The following COG1 variants were observed in gnomAD, a reference collection of about 807,000 sequenced individuals.
COG1 encodes conserved oligomeric Golgi complex subunit 1.
A neutral mutation model predicts 102.2 loss-of-function variants in COG1; 61 were observed. The observed-to-expected ratio is 0.60, with a 90% confidence interval of 0.49 to 0.74. The LOEUF (loss-of-function observed/expected upper bound fraction) is 0.74, where lower values mean the gene tolerates loss of function less well. Among genes scored for constraint, COG1 ranks in the 30% least tolerant of loss-of-function variants. COG1 has a pLI of 0.00. For missense variants in COG1, 1,164 were observed against 1,232.1 expected (o/e 0.94, Z 0.83); for synonymous variants, 454 against 493.6 (o/e 0.92, Z 1.06).
rs6501608 is a variant in COG1, at chr17:73,202,192, A to G, written c.2073+292A>G. On this transcript the variant is annotated intron_variant, in intron 7 of 13. Transcript: ENST00000299886. ...CTCTACTAAAAAAATACAAAAAATTAGCCGGGCATGGTGGTGGGCGCCTGT... is the reference window on the plus strand; with the variant it reads ...CTCTACTAAAAAAATACAAAAAATTGGCCGGGCATGGTGGTGGGCGCCTGT... Among the ~76,000 whole-genome samples the G allele has an allele frequency of 0.49, 73,973 of 151,690 alleles. 18,325 individuals carry two copies. The highest frequency in any genetic ancestry group is 0.6 in the East Asian group (3,053 of 5,090).
At position 73,196,587 on chromosome 17, in the gene COG1, G is replaced by C. The variant is rs938145768; in HGVS notation, c.396G>C (p.Trp132Cys). 8.1e-6 allele frequency: 13 copies of C among 1,614,058 alleles called. No homozygotes were observed. The highest frequency in any genetic ancestry group is 1.3e-5 in the African/African-American group (1 of 74,914). ...TCTTAGAAATTCCGGAGAAGATCTG[G>C]AGCTCGATGGAAGCCTCTCAGTGTC... ...KLLLEIPEKI[W>C]SSMEASQCLH... Residue 132 changes from tryptophan (W) to cysteine (C), a missense_variant, in exon 2 of 14, where the codon TGG (tryptophan) becomes TGC (cysteine). By Grantham distance (215) the Trp-to-Cys change is radical (BLOSUM62 -2). Transcript: ENST00000299886.
In COG1 at chr17:73,200,022, G is replaced by C; in HGVS notation, c.1070+1G>C. 6.2e-7 allele frequency: 1 copy of C among 1,610,534 alleles called. No homozygotes were observed. ...ACACGCTGCAGAAATGGATCCACAT[G>C]TAAGTAACCAGAAAGAGCTTCCCTG... On this transcript the variant is annotated splice_donor_variant, in intron 5 of 13. Transcript: ENST00000299886. LOFTEE classifies it high-confidence loss of function.
chr17:73,207,003 G>A lies in COG1; in HGVS notation c.2730-178G>A, dbSNP rs142316182. 1.3e-3 allele frequency: 924 copies of A among 697,050 alleles called. 7 individuals carry two copies. The African/African-American group carries it at 0.014, about 11-fold the overall frequency. The allele number at this position is 697,050 out of a possible 1,614,324, so 43.2% of individuals were successfully genotyped here. On this transcript the variant is annotated intron_variant, in intron 12 of 13. Coordinates refer to ENST00000299886, the MANE Select transcript of COG1 (RefSeq NM_018714.3). Reference sequence around the variant, plus strand: ...AGCTATTCAGGAGGCTGAGGCAGGAGAATGGCGTGAACCCAGGAGGCGGAG... The same window carrying A: ...AGCTATTCAGGAGGCTGAGGCAGGAAAATGGCGTGAACCCAGGAGGCGGAG...
In COG1 at chr17:73,206,720, T is replaced by C. The variant is rs2061375287; in HGVS notation, c.2632T>C (p.Leu878=). The change falls in exon 12 of 14, where the codon TTG becomes CTG. Residue 878 remains leucine (L), a synonymous_variant. Coordinates refer to ENST00000299886, the MANE Select transcript of COG1 (RefSeq NM_018714.3). ...TCTTGTCTGCCAGGTTCTGTTTGGA[T>C]TGGTGACTGGTACAGAGAATCAGCT... is the stretch of plus-strand genomic sequence containing the variant. The part of the protein sequence containing the change: ...LVQRTSVLFG[L]VTGTENQLAP... 6.2e-7 allele frequency: 1 copy of C among 1,612,496 alleles called. No homozygotes were observed. Among genetic ancestry groups the C allele is most frequent in the East Asian group, 2.2e-5 (1 of 44,796 alleles).
In COG1 at chr17:73,201,725, T is replaced by G; in HGVS notation, c.1898T>G (p.Leu633Arg). 1 of 1,614,148 alleles carries G rather than the reference T, an allele frequency of 6.2e-7. No individual in the cohort carries two copies. Among genetic ancestry groups the G allele is most frequent in the Non-Finnish European group, 8.5e-7 (1 of 1,180,022 alleles). The change falls in exon 7 of 14, where the codon CTG becomes CGG. Residue 633 changes from leucine (L) to arginine (R), a missense_variant. Transcript: ENST00000299886. ...TGCCCCCATCTGAAGCAGTGCATCC[T>G]GGGAAAATCAGAGAGCTCAGAGAAA... is the stretch of plus-strand genomic sequence containing the variant. ...ELCPHLKQCI[L>R]GKSESSEKPA... is the part of the protein sequence containing the mutation.
chr17:73,193,219 G>T lies in COG1; in HGVS notation c.150G>T (p.Gln50His). 1.2e-6 allele frequency: 2 copies of T among 1,608,962 alleles called. No homozygotes were observed. The highest frequency in any genetic ancestry group is 4.5e-5 in the East Asian group (2 of 44,654). ...EIEHKKEELR[Q>H]MVGERYRDLI... Reference sequence around the variant, plus strand: ...AGCACAAGAAGGAGGAGCTGCGGCAGATGGTGGGCGAACGGTACCGCGACC... The same window carrying T: ...AGCACAAGAAGGAGGAGCTGCGGCATATGGTGGGCGAACGGTACCGCGACC... Residue 50 changes from glutamine (Q) to histidine (H), a missense_variant, in exon 1 of 14, where the codon CAG (glutamine) becomes CAT (histidine). Transcript: ENST00000299886.
In COG1 at chr17:73,201,158, T is replaced by A; in HGVS notation, c.1331T>A (p.Leu444His). The change falls in exon 7 of 14, where the codon CTC becomes CAC. Residue 444 changes from leucine (L) to histidine (H), a missense_variant. Leu to His is a moderately conservative substitution (Grantham distance 99). Coordinates refer to ENST00000299886, the MANE Select transcript of COG1 (RefSeq NM_018714.3). ...FDSISSSSKELLVSALQELES... is the reference protein window; with the variant it reads ...FDSISSSSKEHLVSALQELES... Reference sequence around the variant, plus strand: ...TCCATCTCCAGTAGCTCCAAGGAGCTCTTGGTTTCAGCTTTGCAGGAACTT... The same window carrying A: ...TCCATCTCCAGTAGCTCCAAGGAGCACTTGGTTTCAGCTTTGCAGGAACTT... 1 of 1,614,222 alleles carries A rather than the reference T, an allele frequency of 6.2e-7. No individual in the cohort carries two copies. The highest frequency in any genetic ancestry group is 2.2e-5 in the East Asian group (1 of 44,888).
At chr17:73,202,835 T>G (rs2061352602) in intron 7 of COG1, 165 bp from the exon 8 acceptor site, 5 of 756,950 alleles carry the variant, frequency 6.6e-6, no homozygotes, top group Non-Finnish European at 9.1e-6. Flanking sequence ...AGCAACAAAA[T>G]TCCCATGGCT....
chr17:73,201,301 G>A lies in COG1; in HGVS notation c.1474G>A (p.Val492Met), dbSNP rs565847659. The change falls in exon 7 of 14, where the codon GTG becomes ATG. Residue 492 changes from valine to methionine, a missense_variant. Coordinates refer to ENST00000299886, the MANE Select transcript of COG1 (RefSeq NM_018714.3). ...GCCTTCCGATGCGGCCTGGGTCAGC[G>A]TGGCAAACCGGGGTCAGTTTGCCAG... ...DLPSDAAWVSVANRGQFASSG... is the reference protein window; with the variant it reads ...DLPSDAAWVSMANRGQFASSG... 58 of 1,614,218 alleles carry A rather than the reference G, an allele frequency of 3.6e-5. 3 individuals carry two copies. The South Asian group carries it at 4.2e-4, about 12-fold the overall frequency.
chr17:73,208,065 G>C (rs370117464), intron 13 of COG1: 2 of 1,398,298 alleles, frequency 1.4e-6, no homozygotes, highest in East Asian at 2.8e-5. Context: ...GCTGTGGAGA[G>C]AAGTGCCTGT....
At chr17:73,196,427 C>A in intron 1 of COG1, 80 bp from the exon 2 acceptor site, 5 of 1,607,140 alleles carry the variant, frequency 3.1e-6, no homozygotes, top group Non-Finnish European at 4.3e-6. Context: ...TAAATACCCC[C>A]AGATTTCTTC....
intron 13 of COG1, chr17:73,207,633 T>C: frequency 8.6e-7 from 1 of 1,166,712 alleles, no homozygotes; most frequent in Admixed American, 2.3e-5. Context: ...TTTAGTTGGG[T>C]GGGAAGTAAC....
intron 1 of COG1, among the ~76,000 whole-genome samples, chr17:73,193,769 A>G (rs1014646234): frequency 1.3e-5 from 2 of 152,096 alleles, no homozygotes; most frequent in African/African-American, 2.4e-5. Context: ...TTTCTCCCCT[A>G]TGTTGACACC....
Position 73,201,283 on chromosome 17 carries a change from G to C in COG1, c.1456G>C (p.Asp486His). 6.2e-7 allele frequency: 1 copy of C among 1,614,186 alleles called. No homozygotes were observed. Among genetic ancestry groups the C allele is most frequent in the East Asian group, 2.2e-5 (1 of 44,878 alleles). The change falls in exon 7 of 14, where the codon GAT becomes CAT. Residue 486 changes from aspartate to histidine, a missense_variant. Asp to His is a moderately conservative substitution (Grantham distance 81, BLOSUM62 -1). Transcript: ENST00000299886. ...WSESPNDLPS[D>H]AAWVSVANRG... is the part of the protein sequence containing the mutation. Reference sequence around the variant, plus strand: ...TGAGAGTCCTAATGACCTGCCTTCCGATGCGGCCTGGGTCAGCGTGGCAAA... The same window carrying C: ...TGAGAGTCCTAATGACCTGCCTTCCCATGCGGCCTGGGTCAGCGTGGCAAA...
chr17:73,206,565 T>C, intron 11 of COG1, 143 bp from the exon 12 acceptor site: 1 of 717,580 alleles, frequency 1.4e-6, no homozygotes. Flanking sequence ...TAAAAAGTAA[T>C]CGTGAAGCAT....
rs2145093008 is a variant in COG1, at chr17:73,196,938, G to A, written c.599G>A (p.Cys200Tyr). The change falls in exon 3 of 14, where the codon TGC (cysteine) becomes TAC (tyrosine). Residue 200 changes from cysteine (C) to tyrosine (Y), a missense_variant. By Grantham distance (194) the Cys-to-Tyr change is radical (BLOSUM62 -2). Coordinates refer to ENST00000299886, the MANE Select transcript of COG1 (RefSeq NM_018714.3). ...ILHESKMLLKCQGVSDQAVAE... is the reference protein window; with the variant it reads ...ILHESKMLLKYQGVSDQAVAE... Reference sequence around the variant, plus strand: ...CATGAAAGCAAGATGTTGCTCAAATGCCAAGGTGTGTCTGACCAAGCTGTG... The same window carrying A: ...CATGAAAGCAAGATGTTGCTCAAATACCAAGGTGTGTCTGACCAAGCTGTG... The A allele has an allele frequency of 1.9e-6, 3 of 1,614,206 alleles. No homozygotes were observed. The highest frequency in any genetic ancestry group is 2.5e-6 in the Non-Finnish European group (3 of 1,180,034).
intron 3 of COG1, 62 bp downstream of exon 3, chr17:73,197,143 G>T: frequency 6.2e-7 from 1 of 1,611,370 alleles, no homozygotes; most frequent in Non-Finnish European, 8.5e-7. Flanking sequence ...GGTGAGCTGC[G>T]GGAGACTGAA....
intron 2 of COG1, 26 bp from the exon 3 acceptor site, chr17:73,196,874 G>A: frequency 6.2e-7 from 1 of 1,614,060 alleles, no homozygotes; most frequent in Non-Finnish European, 8.5e-7. Context: ...AAAACACCCT[G>A]GCGACTTCTG....
At chr17:73,196,820 TGTC>T (rs1599323732) in intron 2 of COG1, 69 bp downstream of exon 2, 2 of 1,613,718 alleles carry the variant, frequency 1.2e-6, no homozygotes, top group East Asian at 4.5e-5. Context: ...TTATGGCGTT[TGTC>T]TTCTTTCCTG....
Sources: gnomAD v4.1 joint callset for allele counts (sites outside exome capture counted in the v4.1 genomes callset) on GRCh38, gnomAD v4.1.1 for gene constraint, MANE v1.5 for transcripts, NCBI Gene and HGNC (gene_info 2026-07-23, HGNC 2026-07-21) for gene names.